PPFIA2: variants seen among roughly 807,000 people sequenced by gnomAD.
PPFIA2 encodes liprin-alpha-2.
Under a neutral mutation model 175.5 loss-of-function variants are expected in PPFIA2, and 46 were observed. The ratio of observed to expected loss-of-function variants is 0.26; its 90% CI spans 0.21 to 0.34. The LOEUF is 0.34. Among genes scored for constraint, PPFIA2 ranks in the 10% least tolerant of loss-of-function variants. The pLI is 1.00. For synonymous variants in PPFIA2, 568 were observed against 511.4 expected (o/e 1.11, Z -1.49); for missense variants, 1,179 against 1,506.1 (o/e 0.78, Z 3.60).
chr12:81,595,628 T>C (rs1283921234), intron 4 of PPFIA2, among the ~76,000 whole-genome samples: 1 of 152,128 alleles, frequency 6.6e-6, no homozygotes, highest in Non-Finnish European at 1.5e-5. Flanking sequence ...GGCATATGTG[T>C]TTGCACAGAA....
chr12:81,729,929 G>A (rs1280356727), intron 3 of PPFIA2, among the ~76,000 whole-genome samples: 1 of 151,502 alleles, frequency 6.6e-6, no homozygotes, highest in African/African-American at 2.4e-5. Flanking sequence ...GCCAACAAGT[G>A]GAATGAGCTT....
At chr12:81,321,614 T>A (rs558789243) in intron 22 of PPFIA2, among the ~76,000 whole-genome samples, 34 of 152,212 alleles carry the variant, frequency 2.2e-4, no homozygotes, top group African/African-American at 8.2e-4. Context: ...GAGCTTCCAG[T>A]TATGCTTTTT....
intron 3 of PPFIA2, among the ~76,000 whole-genome samples, chr12:81,723,615 C>A (rs1378721573): frequency 6.6e-6 from 1 of 150,966 alleles, no homozygotes; most frequent in Non-Finnish European, 1.5e-5. Flanking sequence ...ACACTTCTTT[C>A]ATAAAAAACG....
At chr12:81,295,963 C>A (rs1472379840) in intron 23 of PPFIA2, among the ~76,000 whole-genome samples, 2 of 151,818 alleles carry the variant, frequency 1.3e-5, no homozygotes, top group East Asian at 3.9e-4. Context: ...AGACTCCAGG[C>A]TGGGGACAGA....
intron 4 of PPFIA2, among the ~76,000 whole-genome samples, chr12:81,597,476 A>T (rs559791659): frequency 3.2e-4 from 49 of 152,188 alleles, no homozygotes; most frequent in African/African-American, 1.1e-3. Context: ...TTTATGTTAT[A>T]CACATAAGAA....
intron 3 of PPFIA2, among the ~76,000 whole-genome samples, chr12:81,752,838 G>A (rs1422159246): frequency 6.6e-6 from 1 of 151,958 alleles, no homozygotes; most frequent in Non-Finnish European, 1.5e-5. Flanking sequence ...AATCAACCTT[G>A]TATTTAAAAG....
chr12:81,468,562 C>T (rs1414541828), intron 4 of PPFIA2, among the ~76,000 whole-genome samples: 2 of 152,174 alleles, frequency 1.3e-5, no homozygotes, highest in South Asian at 2.1e-4. Context: ...CTCCCAGACA[C>T]ACAAAATAGC....
chr12:81,544,136 G>T (rs2066629615), intron 4 of PPFIA2, among the ~76,000 whole-genome samples: 2 of 152,098 alleles, frequency 1.3e-5, no homozygotes, highest in Non-Finnish European at 2.9e-5. Flanking sequence ...AATGTAAGAT[G>T]TTAATAACAG....
chr12:81,468,012 C>T (rs12582634), intron 4 of PPFIA2, among the ~76,000 whole-genome samples: 20,195 of 152,080 alleles, frequency 0.13, 1,960 homozygotes, highest in East Asian at 0.47. Flanking sequence ...ACAAACCCAA[C>T]GGCTTAGAAC....
chr12:81,366,994 A>G, intron 14 of PPFIA2, 114 bp downstream of exon 14: 2 of 1,169,710 alleles, frequency 1.7e-6, no homozygotes, highest in East Asian at 3.0e-5. Context: ...AAATTGTTTT[A>G]CAAAGATAGC....
intron 5 of PPFIA2, among the ~76,000 whole-genome samples, chr12:81,456,921 A>G (rs568225960): frequency 4.6e-5 from 7 of 152,138 alleles, no homozygotes; most frequent in Admixed American, 1.3e-4. Flanking sequence ...TTATTAAAAC[A>G]TAAAGGCACT....
At chr12:81,710,593 T>C (rs1234588140) in intron 3 of PPFIA2, among the ~76,000 whole-genome samples, 27 of 152,204 alleles carry the variant, frequency 1.8e-4, no homozygotes, top group Admixed American at 1.8e-3. Context: ...TTTTTTAGGA[T>C]TTTGGAATAT....
chr12:81,445,043 A>T (rs2145243341), intron 6 of PPFIA2, among the ~76,000 whole-genome samples: 1 of 152,262 alleles, frequency 6.6e-6, no homozygotes, highest in East Asian at 1.9e-4. Flanking sequence ...CATGCAGAGA[A>T]TATTCAAATG....
rs553827398 is a variant in PPFIA2 at position 81,729,436 on chromosome 12, C to T, written c.249+24537G>A. Among the ~76,000 whole-genome samples, 13 of 151,696 alleles carry T rather than the reference C, an allele frequency of 8.6e-5. No homozygotes were observed. In the East Asian group the frequency reaches 2.1e-3, roughly 25 times the overall value. Reference sequence around the variant, plus strand: ...AACAATTGTCTTTCTGTATCCTACACTGTACTTTGCAGTGAATTCCTGACT... The same window carrying T: ...AACAATTGTCTTTCTGTATCCTACATTGTACTTTGCAGTGAATTCCTGACT... On this transcript the variant is annotated intron_variant, in intron 3 of 32. Coordinates refer to ENST00000549396, the MANE Select transcript of PPFIA2 (RefSeq NM_003625.5).
At chr12:81,646,899 G>A (rs1308345976) in intron 4 of PPFIA2, among the ~76,000 whole-genome samples, 1 of 151,894 alleles carries the variant, frequency 6.6e-6, no homozygotes, top group African/African-American at 2.4e-5. Flanking sequence ...AGATGAAGGT[G>A]GGGGGAGGGA....
intron 20 of PPFIA2, 28 bp downstream of exon 20, chr12:81,341,050 A>G (rs376261930): frequency 1.3e-6 from 2 of 1,575,344 alleles, no homozygotes; most frequent in South Asian, 1.1e-5. Context: ...GAGGGCATTC[A>G]GTGTGCAGTG....
chr12:81,501,453 A>G (rs969926852), intron 4 of PPFIA2, among the ~76,000 whole-genome samples: 2 of 152,056 alleles, frequency 1.3e-5, no homozygotes, highest in Admixed American at 6.6e-5. Flanking sequence ...TCTTTTGTTT[A>G]CTGTCTATGC....
Position 81,368,482 on chromosome 12 carries a change from C to T in PPFIA2, c.1482+243G>A, listed in dbSNP as rs534395370. Among the ~76,000 whole-genome samples, 12 of 151,828 alleles carry T rather than the reference C, an allele frequency of 7.9e-5. No individual in the cohort carries two copies. In the South Asian group the frequency reaches 1.9e-3, roughly 24 times the overall value. ...CATAAAAGCACAGCATATTTTAATA[C>T]ATTTGCCTCATATGAACATGTGAAT... On this transcript the variant is annotated intron_variant, in intron 13 of 32. Coordinates refer to ENST00000549396, the MANE Select transcript of PPFIA2 (RefSeq NM_003625.5).
chr12:81,282,723 G>C lies in PPFIA2; in HGVS notation c.3018+287C>G, dbSNP rs534669660. 3 of 242,360 alleles carry C rather than the reference G, an allele frequency of 1.2e-5. No homozygotes were observed. In the South Asian group the frequency reaches 3.3e-4, roughly 26 times the overall value. The allele number at this position is 242,360 out of a possible 1,614,324, so 15.0% of individuals were successfully genotyped here. A position where few individuals can be genotyped will look rare whatever the true frequency, so the allele number is the denominator to read the frequency against. ...ATGCTTCCTGATTAAATATATACAG[G>C]AGTGATTTCAGAGGAATTTAAGTTT... On this transcript the variant is annotated intron_variant, in intron 26 of 32. Coordinates refer to ENST00000549396, the MANE Select transcript of PPFIA2 (RefSeq NM_003625.5).
Sources: gnomAD v4.1 joint callset for allele counts (sites outside exome capture counted in the v4.1 genomes callset) on GRCh38, gnomAD v4.1.1 for gene constraint, MANE v1.5 for transcripts, NCBI Gene and HGNC (gene_info 2026-07-23, HGNC 2026-07-21) for gene names.